The following CGAS variants were observed in gnomAD, a reference collection of about 807,000 sequenced individuals.
The protein encoded by CGAS is cyclic GMP-AMP synthase, also known as 2'3'-cGAMP synthase.
In CGAS, 31 loss-of-function variants were observed where a neutral mutation model predicts 34.0. That is an observed-to-expected ratio of 0.91 (90% CI 0.69 to 1.23). The LOEUF is 1.23. CGAS is among the 50% of genes most tolerant of loss of function. The pLI is 0.00. For synonymous variants in CGAS, 266 were observed against 260.0 expected, an observed-to-expected ratio of 1.02 and a Z score of -0.22; for missense variants, 597 against 657.6, an observed-to-expected ratio of 0.91 and a Z score of 1.01.
intron 4 of CGAS, 103 bp downstream of exon 4, chr6:73,428,606 C>A (rs928486313): frequency 9.3e-6 from 10 of 1,079,788 alleles, no homozygotes; most frequent in Non-Finnish European, 1.3e-5. Context: ...TGCCCTGCCC[C>A]CCAGACCCAA....
In CGAS at chr6:73,443,234, TC is replaced by T. The variant is rs1286059615; in HGVS notation, c.877+2293del. ...TTTGTTCATTCTCTTCTTCCCAAAC[TC>T]TTTTTTTTTTTTTTTTTTTTCTGAG... On this transcript the variant is annotated intron_variant, in intron 2 of 4. Transcript: ENST00000370315. Among the ~76,000 whole-genome samples the T allele has an allele frequency of 5.5e-5, 5 of 90,868 alleles. No homozygotes were observed. In the East Asian group the frequency reaches 1.0e-3, roughly 19 times the overall value. 59.6% of individuals were successfully genotyped at this position (90,868 alleles called of 152,430 possible).
intron 3 of CGAS, among the ~76,000 whole-genome samples, chr6:73,429,849 G>T (rs1365039500): frequency 2.0e-5 from 3 of 151,962 alleles, no homozygotes; most frequent in African/African-American, 7.2e-5. Context: ...TTCTCCCCGA[G>T]TCTTACCATG....
chr6:73,436,431 AAT>A (rs1303447741), intron 3 of CGAS, among the ~76,000 whole-genome samples: 2 of 101,258 alleles, frequency 2.0e-5, no homozygotes, highest in Admixed American at 1.0e-4. Flanking sequence ...ATTTATATGT[AAT>A]ATGTCATATA....
chr6:73,433,497 A>T (rs114729966), intron 3 of CGAS, among the ~76,000 whole-genome samples: 16 of 146,146 alleles, frequency 1.1e-4, no homozygotes, highest in Non-Finnish European at 1.8e-4. Flanking sequence ...TTTTTTTTTT[A>T]ATTTTTTTTT....
chr6:73,449,112 G>A (rs1353758864), intron 1 of CGAS, among the ~76,000 whole-genome samples: 1 of 151,582 alleles, frequency 6.6e-6, no homozygotes, highest in Non-Finnish European at 1.5e-5. Context: ...AAAAGAAAAA[G>A]AAAAAAAGAA....
intron 2 of CGAS, among the ~76,000 whole-genome samples, chr6:73,443,664 A>G (rs141105651): frequency 2.8e-4 from 42 of 152,228 alleles, no homozygotes; most frequent in African/African-American, 9.6e-4. Flanking sequence ...AGCACTTACT[A>G]CTTTCCAGTA....
chr6:73,450,342 G>C (rs1389892890), intron 1 of CGAS, among the ~76,000 whole-genome samples: 1 of 151,444 alleles, frequency 6.6e-6, no homozygotes, highest in Non-Finnish European at 1.5e-5. Flanking sequence ...TTGAACCTGG[G>C]AGGTGGAGGT....
chr6:73,429,125 G>C (rs1247730090), intron 3 of CGAS, among the ~76,000 whole-genome samples: 1 of 151,660 alleles, frequency 6.6e-6, no homozygotes, highest in East Asian at 1.9e-4. Flanking sequence ...GGGAGGTGGA[G>C]GTTGCAGTGA....
In CGAS at chr6:73,452,207, G is replaced by A. The variant is rs577216811; in HGVS notation, c.-26C>T. On this transcript the variant is annotated 5_prime_UTR_variant, in exon 1 of 5. Coordinates refer to ENST00000370315, the MANE Select transcript of CGAS (RefSeq NM_138441.3). ...GGCTGGCGCTTTCTGTTCCCCGAAA[G>A]AAGAATCCGTTTCAGGAAAAGGCCG... is the stretch of plus-strand genomic sequence containing the variant. 14 of 1,580,324 alleles carry A rather than the reference G, an allele frequency of 8.9e-6. No homozygotes were observed. The South Asian group carries it at 1.3e-4, about 14-fold the overall frequency.
chr6:73,442,624 A>G (rs1218437822), intron 2 of CGAS, among the ~76,000 whole-genome samples: 1 of 130,406 alleles, frequency 7.7e-6, no homozygotes, highest in African/African-American at 3.0e-5. Context: ...TTTCTGAGAC[A>G]GTCTTGCTCT....
At chr6:73,434,802 C>T (rs1013215759) in intron 3 of CGAS, among the ~76,000 whole-genome samples, 29 of 151,878 alleles carry the variant, frequency 1.9e-4, no homozygotes, top group African/African-American at 6.3e-4. Context: ...CATGCCACCA[C>T]GCCTGGCTAA....
At position 73,435,532 on chromosome 6, in the gene CGAS, A is replaced by G. The variant is rs1399475501; in HGVS notation, c.1114+4677T>C. On this transcript the variant is annotated intron_variant, in intron 3 of 4. Transcript: ENST00000370315. ...AGGAATGGGTGTTTTCTCTATATAGAGGTATGGAGTGAGATCGAAAATATC... is the reference window on the plus strand; with the variant it reads ...AGGAATGGGTGTTTTCTCTATATAGGGGTATGGAGTGAGATCGAAAATATC... Among the ~76,000 whole-genome samples the G allele has an allele frequency of 6.6e-5, 10 of 152,294 alleles. No individual in the cohort carries two copies. In the East Asian group the frequency reaches 1.3e-3, roughly 21 times the overall value.
chr6:73,447,431 G>A (rs1444467393), intron 1 of CGAS, among the ~76,000 whole-genome samples: 1 of 151,980 alleles, frequency 6.6e-6, no homozygotes, highest in Non-Finnish European at 1.5e-5. Context: ...ATACAGGCGC[G>A]CACCAACACG....
intron 2 of CGAS, among the ~76,000 whole-genome samples, 161 bp from the exon 3 acceptor site, chr6:73,440,606 A>T (rs894027124): frequency 6.6e-6 from 1 of 152,220 alleles, no homozygotes; most frequent in African/African-American, 2.4e-5. Context: ...AAAGTATTTT[A>T]CTAAACCAAT....
At chr6:73,448,726 TC>T (rs1770509593) in intron 1 of CGAS, among the ~76,000 whole-genome samples, 2 of 152,076 alleles carry the variant, frequency 1.3e-5, no homozygotes, top group Admixed American at 6.6e-5. Context: ...CGCCTCAGCC[TC>T]CCATGGTGCT....
intron 3 of CGAS, among the ~76,000 whole-genome samples, chr6:73,430,356 C>T (rs1202511715): frequency 6.6e-6 from 1 of 152,114 alleles, no homozygotes; most frequent in Non-Finnish European, 1.5e-5. Flanking sequence ...CAATGCTGGG[C>T]ATGGTGGTTC....
Position 73,423,821 on chromosome 6 carries a change from T to C in CGAS, c.*1406A>G, listed in dbSNP as rs1366474864. 3.3e-5 allele frequency: 5 copies of C among 152,046 alleles called. No individual in the cohort carries two copies. The highest frequency in any genetic ancestry group is 6.6e-5 in the Admixed American group (1 of 15,256). The allele number at this position is 152,046 out of a possible 1,614,324, so 9.4% of individuals were successfully genotyped here. A position where few individuals can be genotyped will look rare whatever the true frequency, so the allele number is the denominator to read the frequency against. On this transcript the variant is annotated 3_prime_UTR_variant, in exon 5 of 5. Transcript: ENST00000370315. ...AAAACAATACAAAACAAAAAAACCTTGTTTACTAAAAGACACCAAAAAATG... is the reference window on the plus strand; with the variant it reads ...AAAACAATACAAAACAAAAAAACCTCGTTTACTAAAAGACACCAAAAAATG...
chr6:73,451,245 AC>A (rs1268835421), intron 1 of CGAS, among the ~76,000 whole-genome samples: 1 of 152,190 alleles, frequency 6.6e-6, no homozygotes, highest in Non-Finnish European at 1.5e-5. Context: ...GAAACTCGAT[AC>A]ATGTCGGCTT....
intron 3 of CGAS, among the ~76,000 whole-genome samples, chr6:73,433,825 C>T (rs1179597573): frequency 6.6e-6 from 1 of 151,994 alleles, no homozygotes; most frequent in Non-Finnish European, 1.5e-5. Flanking sequence ...GGTCTTGAAC[C>T]CCTCACCTAA....
Sources: allele counts gnomAD v4.1 joint callset (sites outside exome capture counted in the v4.1 genomes callset), GRCh38; gene constraint gnomAD v4.1.1; transcripts MANE v1.5; gene names NCBI Gene and HGNC (gene_info 2026-07-23, HGNC 2026-07-21).